The following SESTD1 variants were observed in gnomAD, a reference collection of about 807,000 sequenced individuals.
SESTD1 encodes SEC14 domain and spectrin repeat-containing protein 1.
Under a neutral mutation model 101.7 loss-of-function variants are expected in SESTD1, and 43 were observed. The observed-to-expected ratio is 0.42, with a 90% CI of 0.33 to 0.55. SESTD1 has a LOEUF of 0.55. Ranked by LOEUF, SESTD1 falls within the 20% of genes least tolerant of loss-of-function variation. The probability of loss-of-function intolerance (pLI) is 0.07; values close to 1 mark genes in which losing one functional copy is unlikely to be tolerated. For synonymous variants in SESTD1, 283 were observed against 286.8 expected (o/e 0.99, Z 0.13); for missense variants, 647 against 815.1 (o/e 0.79, Z 2.51).
At chr2:179,246,150 G>A (rs2047227321) in intron 1 of SESTD1, among the ~76,000 whole-genome samples, 1 of 151,738 alleles carries the variant, frequency 6.6e-6, no homozygotes, top group African/African-American at 2.4e-5. Context: ...AGATACTCAG[G>A]AGGCTGAGGC....
At chr2:179,197,018 G>A (rs1454453552) in intron 1 of SESTD1, among the ~76,000 whole-genome samples, 2 of 152,102 alleles carry the variant, frequency 1.3e-5, no homozygotes, top group African/African-American at 4.8e-5. Flanking sequence ...CTGTACCTAC[G>A]GGAGGACATG....
At chr2:179,180,708 G>C (rs1488592054) in intron 3 of SESTD1, among the ~76,000 whole-genome samples, 1 of 152,064 alleles carries the variant, frequency 6.6e-6, no homozygotes, top group Non-Finnish European at 1.5e-5. Context: ...TAAAATGTTG[G>C]GGGGTTACGT....
At position 179,203,035 on chromosome 2, in the gene SESTD1, G is replaced by A. The variant is rs555336623; in HGVS notation, c.-25-11169C>T. Among the ~76,000 whole-genome samples the A allele has an allele frequency of 3.0e-5, 4 of 134,994 alleles. 1 individual carries two copies. The East Asian group carries it at 8.0e-4, about 27-fold the overall frequency. The allele number at this position is 134,994 out of a possible 152,430, so 88.6% of individuals were successfully genotyped here. On this transcript the variant is annotated intron_variant, in intron 1 of 17. Coordinates refer to ENST00000428443, the MANE Select transcript of SESTD1 (RefSeq NM_178123.5). The stretch of plus-strand genomic sequence containing the variant: ...CTGCTGTTCTGTCAGAGGGGGTGGG[G>A]GAGATGTGGAGTCCTGATAAGTAAG...
chr2:179,116,293 CT>C (rs1337242884), intron 15 of SESTD1, among the ~76,000 whole-genome samples: 1 of 146,156 alleles, frequency 6.8e-6, no homozygotes, highest in Non-Finnish European at 1.5e-5. Context: ...AAAAAAGACA[CT>C]TTTCACCACA....
intron 3 of SESTD1, among the ~76,000 whole-genome samples, chr2:179,182,648 C>T (rs2046135623): frequency 6.6e-6 from 1 of 151,950 alleles, no homozygotes; most frequent in African/African-American, 2.4e-5. Context: ...TATAAACAAA[C>T]ATTTTTGACA....
intron 1 of SESTD1, among the ~76,000 whole-genome samples, chr2:179,230,735 A>G (rs966865438): frequency 1.3e-5 from 2 of 152,080 alleles, no homozygotes; most frequent in African/African-American, 4.8e-5. Flanking sequence ...CTGCAGAAGA[A>G]AAAGAAAATA....
rs2046876466 is a variant in SESTD1 at position 179,225,784 on chromosome 2, T to C, written c.-25-33918A>G. On this transcript the variant is annotated intron_variant, in intron 1 of 17. Coordinates refer to ENST00000428443, the MANE Select transcript of SESTD1 (RefSeq NM_178123.5). Reference sequence around the variant, plus strand: ...GCATTCCCTTCAATCTTGAGCCCTTTTATAAGGGTGCTAGTCCCATTCACG... The same window carrying C: ...GCATTCCCTTCAATCTTGAGCCCTTCTATAAGGGTGCTAGTCCCATTCACG... 2.0e-5 allele frequency among the ~76,000 whole-genome samples: 3 copies of C among 152,132 alleles called. No homozygotes were observed. In the South Asian group the frequency reaches 6.2e-4, roughly 32 times the overall value.
chr2:179,176,933 C>T (rs898015509), intron 3 of SESTD1, among the ~76,000 whole-genome samples: 2 of 152,136 alleles, frequency 1.3e-5, no homozygotes, highest in East Asian at 1.9e-4. Flanking sequence ...GTCTCACCTA[C>T]CTGCCAGAAG....
chr2:179,155,724 C>T (rs2045616056), intron 5 of SESTD1, among the ~76,000 whole-genome samples: 1 of 152,154 alleles, frequency 6.6e-6, no homozygotes, highest in Non-Finnish European at 1.5e-5. Context: ...AGAAATCCCA[C>T]TATCATGTCC....
At chr2:179,192,801 TA>T (rs1299322129) in intron 1 of SESTD1, among the ~76,000 whole-genome samples, 1 of 152,218 alleles carries the variant, frequency 6.6e-6, no homozygotes, top group Non-Finnish European at 1.5e-5. Context: ...GATTCAATTC[TA>T]TTATCCTCTT....
intron 10 of SESTD1, among the ~76,000 whole-genome samples, chr2:179,129,905 A>G (rs901272216): frequency 3.3e-5 from 5 of 152,020 alleles, no homozygotes; most frequent in Non-Finnish European, 5.9e-5. Flanking sequence ...AGTGTAATGA[A>G]CTCCTTCCTA....
In SESTD1 at chr2:179,123,765, G is replaced by C. The variant is rs1448610576; in HGVS notation, c.1232C>G (p.Ala411Gly). 6.2e-7 allele frequency: 1 copy of C among 1,613,690 alleles called. No homozygotes were observed. Among genetic ancestry groups the C allele is most frequent in the Admixed American group, 1.7e-5 (1 of 59,990 alleles). Residue 411 changes from alanine (A) to glycine (G), a missense_variant, in exon 12 of 18, where the codon GCA becomes GGA. By Grantham distance (60) the Ala-to-Gly change is moderately conservative. Transcript: ENST00000428443. The part of the protein sequence containing the change: ...LCVDVAPADG[A>G]SIQQTLKLLE... ...CAGTTTTAAAGTTTGCTGAATCGAT[G>C]CTCCATCAGCTGGTGCTACATCTAC...
At chr2:179,159,867 A>AT (rs1559120744) in intron 5 of SESTD1, among the ~76,000 whole-genome samples, 1 of 151,952 alleles carries the variant, frequency 6.6e-6, no homozygotes, top group Non-Finnish European at 1.5e-5. Context: ...ATGAAAAAAA[A>AT]TTTTTTTTGA....
intron 1 of SESTD1, among the ~76,000 whole-genome samples, chr2:179,229,819 C>A (rs1025337051): frequency 1.8e-5 from 2 of 112,868 alleles, no homozygotes; most frequent in African/African-American, 7.6e-5. Flanking sequence ...ACACACACAA[C>A]CCTACTTGAG....
intron 5 of SESTD1, among the ~76,000 whole-genome samples, chr2:179,151,942 G>C (rs1394428548): frequency 6.6e-6 from 1 of 151,834 alleles, no homozygotes; most frequent in Admixed American, 6.6e-5. Flanking sequence ...AACTTGAAAC[G>C]TACATATTAA....
At chr2:179,245,003 C>T (rs985136155) in intron 1 of SESTD1, among the ~76,000 whole-genome samples, 7 of 152,222 alleles carry the variant, frequency 4.6e-5, no homozygotes, top group African/African-American at 1.7e-4. Flanking sequence ...AGAGCAACCA[C>T]CAAAAAAGAT....
intron 16 of SESTD1, among the ~76,000 whole-genome samples, chr2:179,114,132 GTAGA>G (rs1366152258): frequency 6.6e-6 from 1 of 150,718 alleles, no homozygotes; most frequent in African/African-American, 2.4e-5. Context: ...GAAACAATCA[GTAGA>G]TAAACAAGTT....
chr2:179,208,747 A>G, intron 1 of SESTD1, among the ~76,000 whole-genome samples: 1 of 135,126 alleles, frequency 7.4e-6, no homozygotes, highest in South Asian at 2.8e-4. Flanking sequence ...AATCCTCGAA[A>G]TACACCAAAA....
At chr2:179,240,836 C>T (rs1168646273) in intron 1 of SESTD1, among the ~76,000 whole-genome samples, 2 of 152,118 alleles carry the variant, frequency 1.3e-5, no homozygotes, top group African/African-American at 4.8e-5. Flanking sequence ...CTCCCACCTC[C>T]AACATCCCCC....
Sources: gnomAD v4.1 joint callset for allele counts (sites outside exome capture counted in the v4.1 genomes callset) on GRCh38, gnomAD v4.1.1 for gene constraint, MANE v1.5 for transcripts, NCBI Gene and HGNC (gene_info 2026-07-23, HGNC 2026-07-21) for gene names.